GPC6: variants seen among roughly 807,000 people sequenced by gnomAD.
The protein encoded by GPC6 is glypican-6.
Under a neutral mutation model 55.2 loss-of-function variants are expected in GPC6, and 14 were observed. The ratio of observed to expected loss-of-function variants is 0.25; its 90% CI spans 0.17 to 0.40. The LOEUF (loss-of-function observed/expected upper bound fraction) is 0.40, where lower values mean the gene tolerates loss of function less well. Among genes scored for constraint, GPC6 ranks in the 10% least tolerant of loss-of-function variants. GPC6 has a pLI of 1.00. For synonymous variants in GPC6, 278 were observed against 259.6 expected (o/e 1.07, Z -0.68); for missense variants, 641 against 708.5 (o/e 0.90, Z 1.08).
chr13:93,532,222 T>C (rs1183380644), intron 1 of GPC6, among the ~76,000 whole-genome samples: 1 of 152,178 alleles, frequency 6.6e-6, no homozygotes. Flanking sequence ...TGTTTGCATG[T>C]AGTAAGAAAA....
intron 1 of GPC6, among the ~76,000 whole-genome samples, chr13:93,487,604 G>A (rs1398838827): frequency 6.6e-6 from 1 of 152,154 alleles, no homozygotes; most frequent in Non-Finnish European, 1.5e-5. Flanking sequence ...TGGATTGAGG[G>A]TTGATCATGT....
At chr13:94,364,526 A>G (rs1879204470) in intron 6 of GPC6, among the ~76,000 whole-genome samples, 1 of 152,204 alleles carries the variant, frequency 6.6e-6, no homozygotes. Flanking sequence ...GTGCCCTAGC[A>G]ATGTATGAAC....
intron 1 of GPC6, among the ~76,000 whole-genome samples, chr13:93,253,460 CCA>C (rs777390597): frequency 3.3e-5 from 5 of 152,130 alleles, no homozygotes; most frequent in Non-Finnish European, 7.4e-5. Flanking sequence ...AGAATAGCAT[CCA>C]CATTTTCCCT....
At chr13:93,893,868 C>A (rs997151502) in intron 3 of GPC6, among the ~76,000 whole-genome samples, 11 of 152,112 alleles carry the variant, frequency 7.2e-5, no homozygotes, top group Admixed American at 2.0e-4. Flanking sequence ...TTTTCCAAAG[C>A]CCGTGATAAC....
intron 2 of GPC6, among the ~76,000 whole-genome samples, chr13:93,620,688 T>C (rs1878914120): frequency 6.6e-6 from 1 of 152,198 alleles, no homozygotes; most frequent in East Asian, 1.9e-4. Flanking sequence ...TGGTAGATTC[T>C]TCATTTTATT....
chr13:93,909,723 A>C (rs112815051), intron 3 of GPC6, among the ~76,000 whole-genome samples: 41,546 of 152,138 alleles, frequency 0.27, 6,372 homozygotes, highest in East Asian at 0.49. Context: ...TTTAGGAAAA[A>C]AAAAATCATA....
chr13:93,748,954 A>G (rs1884490945), intron 2 of GPC6, among the ~76,000 whole-genome samples: 1 of 151,942 alleles, frequency 6.6e-6, no homozygotes. Context: ...TACATAGAAT[A>G]CTGTTCGTCA....
chr13:93,612,101 G>A (rs745482170), intron 2 of GPC6, among the ~76,000 whole-genome samples: 2 of 152,102 alleles, frequency 1.3e-5, no homozygotes, highest in Admixed American at 6.6e-5. Flanking sequence ...GTAATTACAT[G>A]CAAAATATAT....
At chr13:93,941,297 A>G (rs1706546467) in intron 3 of GPC6, among the ~76,000 whole-genome samples, 1 of 152,234 alleles carries the variant, frequency 6.6e-6, no homozygotes, top group African/African-American at 2.4e-5. Flanking sequence ...TGGCTAGTGG[A>G]TGCAGCAGAT....
chr13:93,650,528 G>C (rs1880364433), intron 2 of GPC6, among the ~76,000 whole-genome samples: 2 of 151,986 alleles, frequency 1.3e-5, no homozygotes, highest in African/African-American at 4.8e-5. Flanking sequence ...TAACACACTG[G>C]GAACACAGAG....
intron 2 of GPC6, among the ~76,000 whole-genome samples, chr13:93,550,214 C>T (rs1875069609): frequency 6.6e-6 from 1 of 152,054 alleles, no homozygotes; most frequent in African/African-American, 2.4e-5. Flanking sequence ...GCACTAACAC[C>T]CTATCCTCCA....
intron 3 of GPC6, among the ~76,000 whole-genome samples, chr13:93,975,317 A>G (rs1880467602): frequency 6.6e-6 from 1 of 152,130 alleles, no homozygotes; most frequent in Non-Finnish European, 1.5e-5. Flanking sequence ...ATCTTTCAGA[A>G]TTTTACTTTG....
intron 1 of GPC6, among the ~76,000 whole-genome samples, chr13:93,256,929 A>G (rs1876972925): frequency 6.6e-6 from 1 of 152,172 alleles, no homozygotes; most frequent in Non-Finnish European, 1.5e-5. Context: ...AGGTACAGCT[A>G]ATGTTATACA....
At chr13:94,358,286 CAAA>C (rs572937217) in intron 6 of GPC6, among the ~76,000 whole-genome samples, 10 of 64,022 alleles carry the variant, frequency 1.6e-4, no homozygotes, top group Non-Finnish European at 1.6e-4. Flanking sequence ...AAGACTCCGT[CAAA>C]AAAAAAAAAA....
At chr13:94,051,537 G>C (rs1883948671) in intron 4 of GPC6, among the ~76,000 whole-genome samples, 2 of 152,082 alleles carry the variant, frequency 1.3e-5, no homozygotes, top group Admixed American at 1.3e-4. Flanking sequence ...ACGAGAGTAT[G>C]TATTTGTTTC....
At chr13:94,286,316 T>G (rs376811006) in intron 4 of GPC6, 33 bp from the exon 5 acceptor site, 1 of 1,612,956 alleles carries the variant, frequency 6.2e-7, no homozygotes, top group Non-Finnish European at 8.5e-7. Flanking sequence ...AGCTCCCAGT[T>G]TGCAAATAAA....
intron 1 of GPC6, among the ~76,000 whole-genome samples, chr13:93,492,682 T>G (rs1485539193): frequency 6.6e-6 from 1 of 151,016 alleles, no homozygotes. Context: ...TCTTATTATT[T>G]TGAAATACGT....
chr13:93,880,133 C>G (rs1341128534), intron 3 of GPC6, among the ~76,000 whole-genome samples: 3 of 151,896 alleles, frequency 2.0e-5, no homozygotes, highest in Admixed American at 1.3e-4. Context: ...TAAACTAGTT[C>G]AACCATTGTG....
At chr13:93,559,263 C>G (rs1037378674) in intron 2 of GPC6, among the ~76,000 whole-genome samples, 4 of 152,140 alleles carry the variant, frequency 2.6e-5, no homozygotes, top group Admixed American at 2.6e-4. Flanking sequence ...TGATAATATC[C>G]TGTTCCAATT....
Sources: allele counts gnomAD v4.1 joint callset (sites outside exome capture counted in the v4.1 genomes callset), GRCh38; gene constraint gnomAD v4.1.1; transcripts MANE v1.5; gene names NCBI Gene and HGNC (gene_info 2026-07-23, HGNC 2026-07-21).